The following MOG variants were observed in gnomAD, a reference collection of about 807,000 sequenced individuals.
MOG encodes myelin-oligodendrocyte glycoprotein.
A neutral mutation model predicts 35.9 loss-of-function variants in MOG; 20 were observed. The observed-to-expected ratio is 0.56, with a 90% CI of 0.39 to 0.81. The LOEUF is 0.81. Ranked by LOEUF, MOG falls within the 30% of genes least tolerant of loss-of-function variation. The probability of loss-of-function intolerance (pLI) is 0.00; values close to 1 mark genes in which losing one functional copy is unlikely to be tolerated. For missense variants in MOG, 251 were observed against 301.0 expected (o/e 0.83, Z 1.23); for synonymous variants, 92 against 114.3 (o/e 0.80, Z 1.25).
In MOG at chr6:29,659,382, T is replaced by G; in HGVS notation, c.152T>G (p.Leu51Trp). The G allele has an allele frequency of 6.2e-7, 1 of 1,612,970 alleles. No homozygotes were observed. Among genetic ancestry groups the G allele is most frequent in the Non-Finnish European group, 8.5e-7 (1 of 1,179,974 alleles). ...GCTCTGGTCGGGGATGAAGTGGAAT[T>G]GCCATGTCGCATATCTCCTGGGAAG... Reference protein sequence around the residue: ...IRALVGDEVELPCRISPGKNA... With the variant: ...IRALVGDEVEWPCRISPGKNA... The change falls in exon 2 of 8, where the codon TTG becomes TGG. Residue 51 changes from leucine (L) to tryptophan (W), a missense_variant. Transcript: ENST00000376917.
Position 29,669,527 on chromosome 6 carries a change from G to C in MOG, c.593-754G>C, listed in dbSNP as rs558705391. The stretch of plus-strand genomic sequence containing the variant: ...GCTGGTCTTGAACCCCTGACCTCAG[G>C]TGATCTGCCTGCCTTGGCCTTCCAA... On this transcript the variant is annotated intron_variant, in intron 5 of 7. Coordinates refer to ENST00000376917, the MANE Select transcript of MOG (RefSeq NM_206809.4). Among the ~76,000 whole-genome samples the C allele has an allele frequency of 2.2e-3, 336 of 151,994 alleles. 8 individuals carry two copies. The highest frequency in any genetic ancestry group is 0.014 in the Middle Eastern group (4 of 294).
chr6:29,668,584 C>T (rs966331605), intron 5 of MOG, among the ~76,000 whole-genome samples: 3 of 152,230 alleles, frequency 2.0e-5, no homozygotes, highest in African/African-American at 7.2e-5. Context: ...CACAGCTCCT[C>T]CTCCCGAGGC....
chr6:29,669,252 A>G (rs1413275362), intron 5 of MOG, among the ~76,000 whole-genome samples: 1 of 151,396 alleles, frequency 6.6e-6, no homozygotes, highest in African/African-American at 2.4e-5. Context: ...GTAATACATT[A>G]AGTAATGTAG....
intron 5 of MOG, among the ~76,000 whole-genome samples, chr6:29,668,707 G>A (rs1770749592): frequency 6.6e-6 from 1 of 152,122 alleles, no homozygotes; most frequent in Non-Finnish European, 1.5e-5. Context: ...CCAAAGAGGA[G>A]GAATAGTATC....
chr6:29,658,155 G>T (rs1767578027), intron 1 of MOG, among the ~76,000 whole-genome samples: 2 of 152,172 alleles, frequency 1.3e-5, no homozygotes, highest in Non-Finnish European at 2.9e-5. Context: ...ATAATATCTT[G>T]TCATGTTTGA....
At chr6:29,661,987 G>T (rs1042370222) in intron 2 of MOG, 1 of 985,390 alleles carries the variant, frequency 1.0e-6, no homozygotes, top group Non-Finnish European at 1.2e-6. Context: ...GGGACGCTTT[G>T]TCTAGGCTTT....
In MOG at chr6:29,670,821, C is replaced by G. The variant is rs771486632; in HGVS notation, c.730+100C>G. 1.3e-6 allele frequency: 2 copies of G among 1,585,322 alleles called. No homozygotes were observed. The highest frequency in any genetic ancestry group is 2.7e-5 in the African/African-American group (2 of 74,776). On this transcript the variant is annotated intron_variant, in intron 7 of 7. Transcript: ENST00000376917. This position sits in a 1 kb window ranked among gnomAD's most constrained non-coding sequence, Gnocchi z 4.2. ...GGCGGGCTATTGAGGGATCACATTC[C>G]CAGAGGAAAGGAGGAGCTGGAGAGC...
Position 29,670,371 on chromosome 6 carries a change from A to G in MOG, c.683A>G (p.Tyr228Cys). Residue 228 changes from tyrosine (Y) to cysteine (C), a missense_variant, in exon 6 of 8, where the codon TAC becomes TGC. Transcript: ENST00000376917. This position sits in a 1 kb window ranked among gnomAD's most constrained non-coding sequence, Gnocchi z 4.2. ...LGPLVALIIC[Y>C]NWLHRRLAGQ... is the part of the protein sequence containing the mutation. ...CCCTTGGTTGCCTTGATCATCTGCTACAACTGGCTACATCGAAGACTAGCA... is the reference window on the plus strand; with the variant it reads ...CCCTTGGTTGCCTTGATCATCTGCTGCAACTGGCTACATCGAAGACTAGCA... The G allele has an allele frequency of 6.2e-7, 1 of 1,614,194 alleles. No homozygotes were observed. The highest frequency in any genetic ancestry group is 8.5e-7 in the Non-Finnish European group (1 of 1,180,030).
intron 1 of MOG, among the ~76,000 whole-genome samples, chr6:29,657,695 A>G (rs193296577): frequency 0.012 from 1,614 of 133,006 alleles, 19 homozygotes; most frequent in Admixed American, 0.025. Flanking sequence ...GTATTTTAGT[A>G]CAGACGGGGT....
At chr6:29,667,476 G>C (rs9500952) in intron 3 of MOG, among the ~76,000 whole-genome samples, 167 bp from the exon 4 acceptor site, 2,844 of 152,186 alleles carry the variant, frequency 0.019, 45 homozygotes, top group Admixed American at 0.034. Flanking sequence ...GCTAGAGAAA[G>C]AGCCGCAACC....
Position 29,670,762 on chromosome 6 carries a change from C to A in MOG, c.730+41C>A. On this transcript the variant is annotated intron_variant, in intron 7 of 7. Coordinates refer to ENST00000376917, the MANE Select transcript of MOG (RefSeq NM_206809.4). The surrounding 1 kb of genome is among the most constrained non-coding windows in gnomAD (Gnocchi z 4.2). ...TCTGTTATAAGCAGAGAATAAAAAG[C>A]CAGGAAAGGGAGACAGAAGCAACAA... 6.2e-7 allele frequency: 1 copy of A among 1,609,330 alleles called. No individual in the cohort carries two copies. The highest frequency in any genetic ancestry group is 8.5e-7 in the Non-Finnish European group (1 of 1,178,106).
At chr6:29,659,748 A>G (rs575149012) in intron 2 of MOG, 82 bp downstream of exon 2, 9 of 1,108,982 alleles carry the variant, frequency 8.1e-6, no homozygotes, top group Admixed American at 3.9e-5. Flanking sequence ...GAGATCCCTC[A>G]ACCCAAACAT....
intron 5 of MOG, 112 bp downstream of exon 5, chr6:29,668,036 CTCTTT>C: frequency 1.0e-6 from 1 of 959,004 alleles, no homozygotes. Context: ...TTCCTCTCTT[CTCTTT>C]TCTTTCTTTA....
At chr6:29,667,154 T>A (rs1481129073) in intron 3 of MOG, among the ~76,000 whole-genome samples, 3 of 152,222 alleles carry the variant, frequency 2.0e-5, no homozygotes, top group Non-Finnish European at 2.9e-5. Flanking sequence ...TTCTCCAAGC[T>A]TCAGTTGCCT....
intron 3 of MOG, 140 bp from the exon 4 acceptor site, chr6:29,667,503 G>C (rs1277095103): frequency 1.3e-6 from 1 of 794,214 alleles, no homozygotes; most frequent in African/African-American, 1.7e-5. Flanking sequence ...TTTAAATCCA[G>C]TGCTCTTCCT....
rs200245124 is a variant in MOG at position 29,672,289 on chromosome 6, AAAATAAATAAATAAATAAAT to A, written c.*1132_*1151del. 2.9e-3 allele frequency: 482 copies of A among 168,098 alleles called. 11 individuals carry two copies. Among genetic ancestry groups the A allele is most frequent in the Middle Eastern group, 0.02 (8 of 404 alleles). 10.4% of individuals were successfully genotyped at this position (168,098 alleles called of 1,614,324 possible). On this transcript the variant is annotated 3_prime_UTR_variant, in exon 8 of 8. Coordinates refer to ENST00000376917, the MANE Select transcript of MOG (RefSeq NM_206809.4). ...AGTGACAGAGTAAGACTCTGTCTCA[AAAATAAATAAATAAATAAAT>A]AAATAAATAAATAAATAAATAAATA...
intron 5 of MOG, among the ~76,000 whole-genome samples, chr6:29,668,201 A>T: frequency 6.6e-6 from 1 of 152,182 alleles, no homozygotes; most frequent in South Asian, 2.1e-4. Context: ...TCTTTTCAGG[A>T]ATGGCAAAAC....
At position 29,670,140 on chromosome 6, in the gene MOG, C is replaced by T; in HGVS notation, c.593-141C>T. The T allele has an allele frequency of 7.1e-7, 1 of 1,415,076 alleles. No individual in the cohort carries two copies. Among genetic ancestry groups the T allele is most frequent in the Non-Finnish European group, 1.0e-6 (1 of 998,618 alleles). The allele number at this position is 1,415,076 out of a possible 1,614,324, so 87.7% of individuals were successfully genotyped here. On this transcript the variant is annotated intron_variant, in intron 5 of 7. Transcript: ENST00000376917. The surrounding 1 kb of genome is among the most constrained non-coding windows in gnomAD (Gnocchi z 4.2). The stretch of plus-strand genomic sequence containing the variant: ...AATAAGGAGGCAGTACTTTTCTCAT[C>T]CAAGTTCATGGACTTTCTGAATTTT...
Position 29,662,066 on chromosome 6 carries a change from A to G in MOG, c.436+2400A>G. The G allele has an allele frequency of 1.1e-5, 11 of 985,420 alleles. No homozygotes were observed. The highest frequency in any genetic ancestry group is 1.3e-5 in the Non-Finnish European group (11 of 829,926). The allele number at this position is 985,420 out of a possible 1,614,324, so 61.0% of individuals were successfully genotyped here. A position where few individuals can be genotyped will look rare whatever the true frequency, so the allele number is the denominator to read the frequency against. On this transcript the variant is annotated intron_variant, in intron 2 of 7. Transcript: ENST00000376917. This position sits in a 1 kb window ranked among gnomAD's most constrained non-coding sequence, Gnocchi z 4.2. ...TGGTATTATTGCAAGTCTCAGGTGT[A>G]ACTACCTCTGCTCTTTCTCTGAAGA... is the stretch of plus-strand genomic sequence containing the variant.
Sources: allele counts gnomAD v4.1 joint callset (sites outside exome capture counted in the v4.1 genomes callset), GRCh38; gene constraint gnomAD v4.1.1; non-coding constraint Gnocchi (gnomAD v3.1); transcripts MANE v1.5; gene names NCBI Gene and HGNC (gene_info 2026-07-23, HGNC 2026-07-21).